Variants in TAX1BP1 observed in about 807,000 individuals in gnomAD.
The protein encoded by TAX1BP1 is Tax1 binding protein 1.
A neutral mutation model predicts 97.7 loss-of-function variants in TAX1BP1; 62 were observed. The observed-to-expected ratio is 0.63, with a 90% CI of 0.52 to 0.78. The LOEUF (loss-of-function observed/expected upper bound fraction) is 0.78, where lower values mean the gene tolerates loss of function less well. TAX1BP1 is among the 30% of genes least tolerant of loss of function. The probability of loss-of-function intolerance (pLI) is 0.00; values close to 1 mark genes in which losing one functional copy is unlikely to be tolerated. For synonymous variants in TAX1BP1, 340 were observed against 304.2 expected (o/e 1.12, Z -1.23); for missense variants, 867 against 916.1 (o/e 0.95, Z 0.69).
In TAX1BP1 at chr7:27,803,245, AAG is replaced by A; in HGVS notation, c.1764+3159_1764+3160del. The A allele has an allele frequency of 4.5e-6, 6 of 1,343,180 alleles. No individual in the cohort carries two copies. The South Asian group carries it at 1.2e-4, about 26-fold the overall frequency. 83.2% of individuals were successfully genotyped at this position (1,343,180 alleles called of 1,614,324 possible). A position where few individuals can be genotyped will look rare whatever the true frequency, so the allele number is the denominator to read the frequency against. On this transcript the variant is annotated intron_variant, in intron 13 of 16. Coordinates refer to ENST00000396319, the MANE Select transcript of TAX1BP1 (RefSeq NM_006024.7). Reference sequence around the variant, plus strand: ...AACTGAATAATAATAGAGCTTTATGAAGAGACACATTTTGAAGTTCATGTGAC... The same window carrying A: ...AACTGAATAATAATAGAGCTTTATGAAGACACATTTTGAAGTTCATGTGAC...
intron 10 of TAX1BP1, 128 bp downstream of exon 10, chr7:27,793,340 G>A (rs1789791883): frequency 2.0e-5 from 17 of 855,618 alleles, no homozygotes; most frequent in Non-Finnish European, 2.8e-5. Flanking sequence ...CAAGTCATTG[G>A]CCAAATATTG....
intron 2 of TAX1BP1, 41 bp from the exon 3 acceptor site, chr7:27,757,990 T>A (rs1157391129): frequency 7.6e-7 from 1 of 1,318,436 alleles, no homozygotes; most frequent in African/African-American, 1.5e-5. Context: ...AATATTAAAC[T>A]ATTTGCTTAT....
intron 7 of TAX1BP1, among the ~76,000 whole-genome samples, chr7:27,786,851 C>A (rs549093358): frequency 2.6e-5 from 4 of 152,110 alleles, no homozygotes; most frequent in Non-Finnish European, 5.9e-5. Flanking sequence ...ATTTATAATT[C>A]CAGTTATTGA....
At chr7:27,779,017 C>T in intron 5 of TAX1BP1, among the ~76,000 whole-genome samples, 1 of 152,036 alleles carries the variant, frequency 6.6e-6, no homozygotes, top group Non-Finnish European at 1.5e-5. Context: ...GTCTCCAGCC[C>T]TAGGTAACCT....
At chr7:27,792,367 A>G (rs1000018181) in intron 9 of TAX1BP1, 137 bp downstream of exon 9, 3 of 827,450 alleles carry the variant, frequency 3.6e-6, no homozygotes, top group African/African-American at 3.5e-5. Flanking sequence ...CCTTTTGTTT[A>G]GTCATTGTGA....
intron 5 of TAX1BP1, among the ~76,000 whole-genome samples, chr7:27,770,484 TAC>T (rs1205297910): frequency 6.6e-6 from 1 of 152,092 alleles, no homozygotes; most frequent in Non-Finnish European, 1.5e-5. Context: ...TTCTGAAACT[TAC>T]ACAGACTGTG....
intron 2 of TAX1BP1, among the ~76,000 whole-genome samples, chr7:27,750,439 A>G (rs1787979606): frequency 6.6e-6 from 1 of 152,192 alleles, no homozygotes; most frequent in Admixed American, 6.5e-5. Context: ...TTCTGGTCTC[A>G]AGCATTTCGG....
chr7:27,741,778 C>T (rs999507993), intron 1 of TAX1BP1, among the ~76,000 whole-genome samples: 28 of 152,114 alleles, frequency 1.8e-4, no homozygotes, highest in Non-Finnish European at 7.4e-5. Flanking sequence ...GGGGAACCAG[C>T]GTTCAGCATA....
intron 15 of TAX1BP1, among the ~76,000 whole-genome samples, chr7:27,826,628 G>C (rs559822744): frequency 5.9e-5 from 9 of 152,290 alleles, no homozygotes; most frequent in Non-Finnish European, 1.3e-4. Flanking sequence ...TAGATGATGT[G>C]CCTGGTTTCA....
At chr7:27,744,326 C>T (rs536699194) in intron 1 of TAX1BP1, among the ~76,000 whole-genome samples, 1 of 152,004 alleles carries the variant, frequency 6.6e-6, no homozygotes, top group Admixed American at 6.6e-5. Flanking sequence ...GGGTTTTCAC[C>T]GTGTTAGCCA....
chr7:27,781,970 C>T (rs1338103337), intron 5 of TAX1BP1, among the ~76,000 whole-genome samples: 4 of 152,006 alleles, frequency 2.6e-5, no homozygotes, highest in African/African-American at 9.7e-5. Context: ...CCCGCCTCGG[C>T]CTCCCAAAAT....
At chr7:27,795,529 T>C (rs1789889126) in intron 11 of TAX1BP1, among the ~76,000 whole-genome samples, 1 of 152,086 alleles carries the variant, frequency 6.6e-6, no homozygotes, top group South Asian at 2.1e-4. Context: ...TTTTGTGCTG[T>C]TATGGAACTC....
At chr7:27,764,700 A>T (rs561767402) in intron 3 of TAX1BP1, among the ~76,000 whole-genome samples, 1 of 152,042 alleles carries the variant, frequency 6.6e-6, no homozygotes, top group Non-Finnish European at 1.5e-5. Flanking sequence ...CATCTTGCCT[A>T]CGATTATTGT....
chr7:27,742,116 G>A (rs985875824), intron 1 of TAX1BP1, among the ~76,000 whole-genome samples: 42 of 152,172 alleles, frequency 2.8e-4, no homozygotes, highest in Admixed American at 4.6e-4. Flanking sequence ...GCCCAGGGAC[G>A]GGCAGGAGAC....
chr7:27,748,655 C>T lies in TAX1BP1; in HGVS notation c.131C>T (p.Pro44Leu). Residue 44 changes from proline to leucine, a missense_variant, in exon 2 of 17, where the codon CCA (proline) becomes CTA (leucine). Physicochemically the swap from Pro to Leu is moderately conservative, Grantham distance 98 (BLOSUM62 -3). Transcript: ENST00000396319. The part of the protein sequence containing the change: ...CHYTLTPYIH[P>L]HPKDWVGIFK... Reference sequence around the variant, plus strand: ...TACACCTTAACTCCATATATTCATCCACATCCAAAAGATTGGGTTGGTATA... The same window carrying T: ...TACACCTTAACTCCATATATTCATCTACATCCAAAAGATTGGGTTGGTATA... The T allele has an allele frequency of 1.3e-6, 2 of 1,563,194 alleles. No homozygotes were observed. Among genetic ancestry groups the T allele is most frequent in the Non-Finnish European group, 8.7e-7 (1 of 1,150,670 alleles).
Position 27,787,424 on chromosome 7 carries a change from T to C in TAX1BP1, c.859T>C (p.Leu287=), listed in dbSNP as rs1789530169. 1 of 1,604,826 alleles carries C rather than the reference T, an allele frequency of 6.2e-7. No individual in the cohort carries two copies. Among genetic ancestry groups the C allele is most frequent in the African/African-American group, 1.3e-5 (1 of 74,308 alleles). Residue 287 remains leucine, a synonymous_variant, in exon 8 of 17, where the codon TTG becomes CTG. Transcript: ENST00000396319. ...KDEKELYKVH[L]KNTEIENTKL... The stretch of plus-strand genomic sequence containing the variant: ...TTTTCAAACACCATTACAGGTACAT[T>C]TGAAGAATACAGAAATAGAAAATAC...
At chr7:27,770,131 T>G (rs535766928) in intron 5 of TAX1BP1, among the ~76,000 whole-genome samples, 1 of 152,128 alleles carries the variant, frequency 6.6e-6, no homozygotes, top group East Asian at 1.9e-4. Flanking sequence ...TTTTTTTTGT[T>G]TAGAAATACA....
intron 12 of TAX1BP1, among the ~76,000 whole-genome samples, chr7:27,799,076 T>C (rs1335552850): frequency 6.6e-6 from 1 of 152,220 alleles, no homozygotes; most frequent in East Asian, 1.9e-4. Flanking sequence ...AAGGAATGTT[T>C]GCCTAATCCA....
At position 27,811,779 on chromosome 7, in the gene TAX1BP1, T is replaced by C. The variant is rs115857027; in HGVS notation, c.1765-4570T>C. Among the ~76,000 whole-genome samples, 1,285 of 151,502 alleles carry C rather than the reference T, an allele frequency of 8.5e-3. 19 individuals are homozygous for C. The highest frequency in any genetic ancestry group is 0.028 in the African/African-American group (1,128 of 40,832). On this transcript the variant is annotated intron_variant, in intron 13 of 16. Coordinates refer to ENST00000396319, the MANE Select transcript of TAX1BP1 (RefSeq NM_006024.7). ...CATTCGTCCCCTCCTGCTACCCCCCTGTCCTAGAAAACCTCTGGTCTGCTT... is the reference window on the plus strand; with the variant it reads ...CATTCGTCCCCTCCTGCTACCCCCCCGTCCTAGAAAACCTCTGGTCTGCTT...
Sources: allele counts gnomAD v4.1 joint callset (sites outside exome capture counted in the v4.1 genomes callset), GRCh38; gene constraint gnomAD v4.1.1; transcripts MANE v1.5; gene names NCBI Gene and HGNC (gene_info 2026-07-23, HGNC 2026-07-21).